The following LRRC4C variants were observed in gnomAD, a reference collection of about 807,000 sequenced individuals.
LRRC4C encodes the protein leucine rich repeat containing 4C, also known as leucine-rich repeat-containing protein 4C.
In LRRC4C, 5 loss-of-function variants were observed where a neutral mutation model predicts 33.6. That is an observed-to-expected ratio of 0.15 (90% CI 0.08 to 0.31). The LOEUF (loss-of-function observed/expected upper bound fraction) is 0.31. LRRC4C is among the 10% of genes least tolerant of loss of function. The pLI is 1.00. For missense variants in LRRC4C, 560 were observed against 796.7 expected (o/e 0.70, Z 3.58); for synonymous variants, 329 against 302.0 (o/e 1.09, Z -0.93).
At chr11:41,049,592 C>A (rs1858049618) in intron 1 of LRRC4C, among the ~76,000 whole-genome samples, 1 of 152,034 alleles carries the variant, frequency 6.6e-6, no homozygotes, top group Non-Finnish European at 1.5e-5. Context: ...TGATATTAAT[C>A]TAGGGAAGAG....
intron 2 of LRRC4C, among the ~76,000 whole-genome samples, chr11:40,667,605 T>C (rs1943882344): frequency 6.6e-6 from 1 of 152,218 alleles, no homozygotes; most frequent in African/African-American, 2.4e-5. Context: ...AGAAGTAAGC[T>C]GCCTGCCATA....
chr11:40,648,592 T>G (rs1157271809), intron 2 of LRRC4C, among the ~76,000 whole-genome samples: 1 of 152,322 alleles, frequency 6.6e-6, no homozygotes, highest in African/African-American at 2.4e-5. Flanking sequence ...TGCTTGTTAC[T>G]TCATGAGGTA....
chr11:41,057,302 C>A (rs559526556), intron 1 of LRRC4C, among the ~76,000 whole-genome samples: 1 of 152,216 alleles, frequency 6.6e-6, no homozygotes, highest in Non-Finnish European at 1.5e-5. Context: ...AGTCCCTTGC[C>A]GCCTAAGACC....
intron 1 of LRRC4C, among the ~76,000 whole-genome samples, chr11:41,344,087 G>A (rs986434570): frequency 2.0e-5 from 3 of 151,952 alleles, no homozygotes; most frequent in African/African-American, 4.8e-5. Context: ...TGATTGTGTC[G>A]TTCACTTGCA....
intron 3 of LRRC4C, among the ~76,000 whole-genome samples, chr11:40,398,649 G>C (rs1484127952): frequency 6.6e-6 from 1 of 151,974 alleles, no homozygotes; most frequent in Non-Finnish European, 1.5e-5. Context: ...ATGCAACAGG[G>C]TCAAACCAAA....
chr11:40,187,229 A>T (rs1861473037), intron 5 of LRRC4C, among the ~76,000 whole-genome samples: 1 of 152,160 alleles, frequency 6.6e-6, no homozygotes, highest in South Asian at 2.1e-4. Flanking sequence ...GCAAAATTAC[A>T]TCTGAACTCT....
intron 1 of LRRC4C, among the ~76,000 whole-genome samples, chr11:41,007,410 A>G (rs1298998723): frequency 6.6e-6 from 1 of 152,088 alleles, no homozygotes; most frequent in East Asian, 1.9e-4. Flanking sequence ...GGATTATACA[A>G]TTTGGCAAGA....
At chr11:41,131,064 A>G (rs982632221) in intron 1 of LRRC4C, among the ~76,000 whole-genome samples, 5 of 152,078 alleles carry the variant, frequency 3.3e-5, no homozygotes, top group African/African-American at 1.2e-4. Context: ...TTAGTTAACC[A>G]TACAACCAAT....
intron 1 of LRRC4C, among the ~76,000 whole-genome samples, chr11:40,973,854 GT>G (rs369913251): frequency 6.6e-6 from 1 of 151,814 alleles, no homozygotes; most frequent in African/African-American, 2.4e-5. Flanking sequence ...AACTGTCTAG[GT>G]GGAATACTCA....
chr11:41,279,134 A>C (rs1591139912), intron 1 of LRRC4C, among the ~76,000 whole-genome samples: 1 of 152,094 alleles, frequency 6.6e-6, no homozygotes, highest in Non-Finnish European at 1.5e-5. Flanking sequence ...GTGAAGTACA[A>C]GATTTTGTTC....
chr11:40,892,554 A>G (rs1014241376), intron 2 of LRRC4C, among the ~76,000 whole-genome samples: 3 of 152,212 alleles, frequency 2.0e-5, no homozygotes, highest in Non-Finnish European at 4.4e-5. Context: ...GTCCATCAAC[A>G]GATGAATAAA....
At chr11:41,091,581 C>T (rs1565374752) in intron 1 of LRRC4C, among the ~76,000 whole-genome samples, 1 of 151,894 alleles carries the variant, frequency 6.6e-6, no homozygotes, top group Non-Finnish European at 1.5e-5. Context: ...ACAACAGATC[C>T]CATGTTATTC....
intron 2 of LRRC4C, among the ~76,000 whole-genome samples, chr11:40,834,202 G>A (rs1406398720): frequency 1.3e-5 from 2 of 152,020 alleles, no homozygotes; most frequent in South Asian, 2.1e-4. Context: ...GGCCAGGTGC[G>A]GTGGCTCATG....
At chr11:41,154,450 AATTT>A (rs1161682447) in intron 1 of LRRC4C, among the ~76,000 whole-genome samples, 2 of 152,128 alleles carry the variant, frequency 1.3e-5, no homozygotes, top group Admixed American at 6.6e-5. Context: ...AAATTTTAAA[AATTT>A]ATTTCTCTTT....
chr11:41,059,950 G>A (rs550238469), intron 1 of LRRC4C, among the ~76,000 whole-genome samples: 133 of 151,154 alleles, frequency 8.8e-4, no homozygotes, highest in Middle Eastern at 3.4e-3. Context: ...ACTTGAACCC[G>A]GGAGGCAGAG....
At chr11:41,256,163 T>A (rs1204321781) in intron 1 of LRRC4C, among the ~76,000 whole-genome samples, 1 of 151,990 alleles carries the variant, frequency 6.6e-6, no homozygotes, top group Non-Finnish European at 1.5e-5. Flanking sequence ...CAAAGCATTC[T>A]CACCTTTTAC....
At chr11:40,952,849 A>AACACACACACAC (rs56684958) in intron 1 of LRRC4C, among the ~76,000 whole-genome samples, 22 of 112,784 alleles carry the variant, frequency 2.0e-4, no homozygotes, top group African/African-American at 5.9e-4. Flanking sequence ...TCTATTTCCA[A>AACACACACACAC]ACACACACAC....
intron 3 of LRRC4C, among the ~76,000 whole-genome samples, chr11:40,578,248 ACTATGCCCCTGGCAAACAGGTGAGCC>A (rs2135618304): frequency 7.0e-6 from 1 of 143,134 alleles, no homozygotes; most frequent in South Asian, 2.2e-4. Context: ...TTGCTTCCCA[ACTATGCCCCTGGCAAACAGGTGAGCC>A]CTAACACGCA....
chr11:40,369,053 G>T (rs1215631869), intron 3 of LRRC4C, among the ~76,000 whole-genome samples: 2 of 152,318 alleles, frequency 1.3e-5, no homozygotes, highest in African/African-American at 4.8e-5. Flanking sequence ...GGTAAGGACA[G>T]CAGTGTTGTT....
Sources: gnomAD v4.1 joint callset for allele counts (sites outside exome capture counted in the v4.1 genomes callset) on GRCh38, gnomAD v4.1.1 for gene constraint, MANE v1.5 for transcripts, NCBI Gene and HGNC (gene_info 2026-07-23, HGNC 2026-07-21) for gene names.